ZNF385D: variants seen among roughly 807,000 people sequenced by gnomAD.
ZNF385D encodes zinc finger protein 385D.
Under a neutral mutation model 35.8 loss-of-function variants are expected in ZNF385D, and 15 were observed. The ratio of observed to expected loss-of-function variants is 0.42; its 90% CI spans 0.28 to 0.64. ZNF385D has a LOEUF of 0.64. ZNF385D is among the 30% of genes least tolerant of loss of function. ZNF385D has a pLI of 0.23. For synonymous variants in ZNF385D, 212 were observed against 186.8 expected (o/e 1.13, Z -1.10); for missense variants, 474 against 494.6 (o/e 0.96, Z 0.39).
intron 2 of ZNF385D, among the ~76,000 whole-genome samples, chr3:21,613,916 C>T (rs1212265299): frequency 1.3e-5 from 2 of 152,016 alleles, no homozygotes; most frequent in Non-Finnish European, 2.9e-5. Context: ...TGAGTTGGAC[C>T]CCAAATATAA....
At chr3:22,096,559 C>A (rs1701645011) in intron 3 of ZNF385D, among the ~76,000 whole-genome samples, 1 of 152,012 alleles carries the variant, frequency 6.6e-6, no homozygotes, top group Admixed American at 6.6e-5. Context: ...GACTTTCTTG[C>A]TCAAAAAGTG....
intron 3 of ZNF385D, among the ~76,000 whole-genome samples, chr3:22,140,430 T>C (rs1255722593): frequency 1.3e-5 from 2 of 152,170 alleles, no homozygotes; most frequent in East Asian, 1.9e-4. Context: ...TAGAGATTAG[T>C]GTTATGAAGA....
intron 2 of ZNF385D, among the ~76,000 whole-genome samples, chr3:21,569,936 T>A (rs2063279627): frequency 2.0e-5 from 3 of 150,236 alleles, no homozygotes; most frequent in African/African-American, 7.4e-5. Flanking sequence ...AGGGATAGCA[T>A]TAGGAGATAT....
chr3:21,883,261 A>T lies in ZNF385D; in HGVS notation c.326-218233T>A, dbSNP rs560617975. ...GAATTTGTGCCTAGGAAAAATTCAA[A>T]TTGACTTATAAACTTAAAGATTTAT... On this transcript the variant is annotated intron_variant, in intron 3 of 5. Coordinates refer to the ZNF385D transcript ENST00000494108. 2.1e-3 allele frequency among the ~76,000 whole-genome samples: 323 copies of T among 152,044 alleles called. 4 individuals carry two copies. The highest frequency in any genetic ancestry group is 7.5e-3 in the African/African-American group (311 of 41,540).
chr3:21,697,792 T>C (rs755194280), intron 1 of ZNF385D, among the ~76,000 whole-genome samples: 4 of 151,888 alleles, frequency 2.6e-5, no homozygotes, highest in Non-Finnish European at 4.4e-5. Flanking sequence ...ACAACTGACA[T>C]AAACAGACAT....
intron 3 of ZNF385D, among the ~76,000 whole-genome samples, chr3:21,550,761 G>C (rs1263080926): frequency 6.6e-6 from 1 of 152,086 alleles, no homozygotes; most frequent in East Asian, 1.9e-4. Context: ...GATTACAGTC[G>C]TGCGCCACCA....
rs150888787 is a variant in ZNF385D, at chr3:22,108,811, G to A, written c.325+60006C>T. ...GTGGATCACTTGAGGTCATGAGTTC[G>A]AGACCAGCCTGGCCAACATGGTGAA... On this transcript the variant is annotated intron_variant, in intron 3 of 5. Coordinates refer to the ZNF385D transcript ENST00000494108. 4.9e-4 allele frequency among the ~76,000 whole-genome samples: 75 copies of A among 152,176 alleles called. 1 individual carries two copies. The South Asian group carries it at 0.016, about 32-fold the overall frequency.
chr3:22,227,189 G>A (rs962212118), intron 2 of ZNF385D, among the ~76,000 whole-genome samples: 5 of 151,886 alleles, frequency 3.3e-5, no homozygotes, highest in Admixed American at 3.3e-4. Context: ...TGTGGGGCGG[G>A]GGGGGTGTAG....
At chr3:21,534,916 T>C (rs183982433) in intron 3 of ZNF385D, among the ~76,000 whole-genome samples, 1 of 152,272 alleles carries the variant, frequency 6.6e-6, no homozygotes, top group Admixed American at 6.5e-5. Context: ...GTTTAAAATC[T>C]GTCTCAACTC....
intron 2 of ZNF385D, among the ~76,000 whole-genome samples, chr3:21,659,766 C>G (rs2066180241): frequency 6.6e-6 from 1 of 152,084 alleles, no homozygotes; most frequent in Admixed American, 6.6e-5. Flanking sequence ...CAATAAATAT[C>G]TGTTGAATAA....
At chr3:21,687,321 C>A (rs1003180060) in intron 1 of ZNF385D, among the ~76,000 whole-genome samples, 1 of 152,094 alleles carries the variant, frequency 6.6e-6, no homozygotes, top group Non-Finnish European at 1.5e-5. Context: ...ACATTGTTAT[C>A]GTGTAAGCCA....
chr3:21,751,293 G>C, upstream of ZNF385D: 1 of 1,093,362 alleles, frequency 9.1e-7, no homozygotes, highest in Non-Finnish European at 1.1e-6. Flanking sequence ...CCGACTGCCT[G>C]CCTGGACCAA....
intron 3 of ZNF385D, among the ~76,000 whole-genome samples, chr3:21,945,954 T>A (rs1332856145): frequency 6.6e-6 from 1 of 152,198 alleles, no homozygotes; most frequent in African/African-American, 2.4e-5. Flanking sequence ...AATTAAGAAA[T>A]CAGTTCACAG....
intron 3 of ZNF385D, among the ~76,000 whole-genome samples, chr3:21,814,837 T>C (rs569249586): frequency 1.3e-5 from 2 of 152,258 alleles, no homozygotes; most frequent in Non-Finnish European, 2.9e-5. Context: ...ACAGACCTAA[T>C]AGACATCTAC....
At chr3:21,788,709 ACTC>A (rs1260849398) in intron 3 of ZNF385D, among the ~76,000 whole-genome samples, 1 of 152,068 alleles carries the variant, frequency 6.6e-6, no homozygotes, top group South Asian at 2.1e-4. Flanking sequence ...AAAAGAATAA[ACTC>A]CTCCATGCTC....
intron 4 of ZNF385D, among the ~76,000 whole-genome samples, chr3:21,455,504 A>C (rs892798381): frequency 1.1e-4 from 16 of 152,204 alleles, no homozygotes; most frequent in Admixed American, 8.5e-4. Flanking sequence ...CCTATTTAAT[A>C]AATGGTGCTG....
chr3:21,541,996 G>C (rs2062188611), intron 3 of ZNF385D, among the ~76,000 whole-genome samples: 1 of 152,132 alleles, frequency 6.6e-6, no homozygotes, highest in African/African-American at 2.4e-5. Context: ...ATCAGCGCTG[G>C]TGCACTCTGA....
At chr3:21,808,151 GA>G (rs2072738496) in intron 3 of ZNF385D, among the ~76,000 whole-genome samples, 2 of 152,104 alleles carry the variant, frequency 1.3e-5, no homozygotes, top group South Asian at 4.2e-4. Flanking sequence ...CACAGGATAA[GA>G]AAATCCTTTA....
At chr3:22,331,469 C>T (rs1694933403) in intron 2 of ZNF385D, among the ~76,000 whole-genome samples, 2 of 152,106 alleles carry the variant, frequency 1.3e-5, no homozygotes, top group African/African-American at 4.8e-5. Context: ...ATGACCATAA[C>T]ATTAATGAAA....
Sources: allele counts gnomAD v4.1 joint callset (sites outside exome capture counted in the v4.1 genomes callset), GRCh38; gene constraint gnomAD v4.1.1; transcripts MANE v1.5; gene names NCBI Gene and HGNC (gene_info 2026-07-23, HGNC 2026-07-21).